CNTNAP2: variants seen among roughly 807,000 people sequenced by gnomAD.
The protein encoded by CNTNAP2 is contactin-associated protein-like 2.
Under a neutral mutation model 155.2 loss-of-function variants are expected in CNTNAP2, and 98 were observed. That is an observed-to-expected ratio of 0.63 (90% confidence interval 0.54 to 0.75). The LOEUF (loss-of-function observed/expected upper bound fraction) is 0.75. CNTNAP2 is among the 30% of genes least tolerant of loss of function. CNTNAP2 has a pLI of 0.00. For missense variants in CNTNAP2, 1,727 were observed against 1,688.1 expected (o/e 1.02, Z -0.40); for synonymous variants, 651 against 631.2 (o/e 1.03, Z -0.47).
chr7:148,263,785 ATTT>A (rs2116835572), intron 20 of CNTNAP2, among the ~76,000 whole-genome samples: 1 of 152,222 alleles, frequency 6.6e-6, no homozygotes, highest in African/African-American at 2.4e-5. Flanking sequence ...TAAATGTAAA[ATTT>A]AGCATTTTTG....
intron 3 of CNTNAP2, among the ~76,000 whole-genome samples, chr7:146,906,415 G>C (rs1163515914): frequency 6.6e-6 from 1 of 152,100 alleles, no homozygotes; most frequent in Non-Finnish European, 1.5e-5. Flanking sequence ...TGACAGCTTT[G>C]AAGAGAGCAG....
intron 1 of CNTNAP2, among the ~76,000 whole-genome samples, chr7:146,658,931 A>G (rs1373239031): frequency 2.0e-5 from 3 of 152,136 alleles, no homozygotes; most frequent in East Asian, 1.9e-4. Flanking sequence ...TTTGAGCTGG[A>G]GCCTAGAACC....
At chr7:146,126,637 A>G (rs1482880106) in intron 1 of CNTNAP2, among the ~76,000 whole-genome samples, 5 of 152,224 alleles carry the variant, frequency 3.3e-5, no homozygotes, top group Non-Finnish European at 7.3e-5. Context: ...GTCTGTATCG[A>G]AAACTGTAAA....
chr7:147,042,622 A>T (rs1429250933), intron 3 of CNTNAP2, among the ~76,000 whole-genome samples: 3 of 152,156 alleles, frequency 2.0e-5, no homozygotes, highest in South Asian at 2.1e-4. Context: ...ATTAAAGATA[A>T]TTTTTTTAAA....
At chr7:146,371,376 T>TTTG (rs1379583670) in intron 1 of CNTNAP2, among the ~76,000 whole-genome samples, 3 of 140,128 alleles carry the variant, frequency 2.1e-5, no homozygotes, top group Non-Finnish European at 4.6e-5. Context: ...TTTTTTTTTT[T>TTTG]TTTTTTTTTT....
At chr7:147,069,406 C>A (rs554960295) in intron 4 of CNTNAP2, among the ~76,000 whole-genome samples, 113 of 152,334 alleles carry the variant, frequency 7.4e-4, no homozygotes, top group Non-Finnish European at 1.4e-3. Context: ...TGTTCACCCT[C>A]AGAAGAAGGG....
intron 20 of CNTNAP2, among the ~76,000 whole-genome samples, chr7:148,264,945 G>T (rs745565039): frequency 6.6e-6 from 1 of 152,108 alleles, no homozygotes; most frequent in African/African-American, 2.4e-5. Flanking sequence ...CACCCACCTC[G>T]GCCTCCCAAA....
At chr7:146,743,601 A>G (rs1801757097) in intron 1 of CNTNAP2, among the ~76,000 whole-genome samples, 1 of 151,658 alleles carries the variant, frequency 6.6e-6, no homozygotes, top group South Asian at 2.1e-4. Flanking sequence ...TGTCTTAAGT[A>G]CTTGCCTGAA....
intron 13 of CNTNAP2, among the ~76,000 whole-genome samples, chr7:147,762,741 G>A (rs539294106): frequency 2.9e-5 from 4 of 138,840 alleles, no homozygotes; most frequent in African/African-American, 1.0e-4. Context: ...GGGAGGGAGG[G>A]AGGAAGGAAG....
intron 4 of CNTNAP2, among the ~76,000 whole-genome samples, chr7:147,076,157 C>T (rs536845970): frequency 6.6e-6 from 1 of 152,110 alleles, no homozygotes; most frequent in Non-Finnish European, 1.5e-5. Flanking sequence ...AGTAATGGGA[C>T]AGCTGGGTCA....
At chr7:146,324,276 A>C (rs1433799541) in intron 1 of CNTNAP2, among the ~76,000 whole-genome samples, 1 of 152,140 alleles carries the variant, frequency 6.6e-6, no homozygotes, top group Non-Finnish European at 1.5e-5. Flanking sequence ...AAAGCAAAAC[A>C]AAACAAAACA....
intron 1 of CNTNAP2, among the ~76,000 whole-genome samples, chr7:146,458,576 A>G (rs977468426): frequency 2.0e-5 from 3 of 152,208 alleles, no homozygotes; most frequent in Admixed American, 6.5e-5. Flanking sequence ...CTATACACAT[A>G]CATATACATA....
intron 1 of CNTNAP2, among the ~76,000 whole-genome samples, chr7:146,451,855 C>CG (rs1397144486): frequency 7.6e-6 from 1 of 131,474 alleles, no homozygotes; most frequent in Non-Finnish European, 1.6e-5. Context: ...TACACGTATT[C>CG]TATATATATA....
At chr7:146,345,845 C>A (rs1265492974) in intron 1 of CNTNAP2, among the ~76,000 whole-genome samples, 1 of 151,988 alleles carries the variant, frequency 6.6e-6, no homozygotes, top group Non-Finnish European at 1.5e-5. Context: ...AGGAGCAGGG[C>A]AAGAAACGGT....
At chr7:146,503,588 T>C (rs1384670017) in intron 1 of CNTNAP2, among the ~76,000 whole-genome samples, 1 of 152,218 alleles carries the variant, frequency 6.6e-6, no homozygotes, top group East Asian at 1.9e-4. Flanking sequence ...CTTAAGTCTT[T>C]AATCCATTAT....
chr7:147,933,250 A>C (rs1253271890), intron 14 of CNTNAP2, among the ~76,000 whole-genome samples: 1 of 152,112 alleles, frequency 6.6e-6, no homozygotes, highest in Non-Finnish European at 1.5e-5. Flanking sequence ...TATGTATGGA[A>C]AACTGTATAG....
rs1563223148 is a variant in CNTNAP2 at position 147,485,986 on chromosome 7, C to A, written c.1722C>A (p.Asp574Glu). The A allele has an allele frequency of 6.2e-7, 1 of 1,614,108 alleles. No homozygotes were observed. The highest frequency in any genetic ancestry group is 2.2e-5 in the East Asian group (1 of 44,878). The change falls in exon 11 of 24, where the codon GAC (aspartate) becomes GAA (glutamate). Residue 574 changes from aspartate to glutamate, a missense_variant. Transcript: ENST00000361727. Reference protein sequence around the residue: ...EHGGKCSQTWDSFKCTCDETG... With the variant: ...EHGGKCSQTWESFKCTCDETG... ...GTGGAAAGTGCTCGCAAACATGGGA[C>A]AGCTTCAAATGCACTTGTGATGAGA...
chr7:147,113,904 C>T (rs926172609), intron 5 of CNTNAP2, among the ~76,000 whole-genome samples: 2 of 152,046 alleles, frequency 1.3e-5, no homozygotes, highest in African/African-American at 4.8e-5. Context: ...AGTTGTGATG[C>T]TAGGTTGCTA....
chr7:146,718,255 T>C (rs1207757002), intron 1 of CNTNAP2, among the ~76,000 whole-genome samples: 1 of 152,204 alleles, frequency 6.6e-6, no homozygotes, highest in Non-Finnish European at 1.5e-5. Flanking sequence ...TTCTGTAAGA[T>C]TAATTGTCTA....
Sources: allele counts gnomAD v4.1 joint callset (sites outside exome capture counted in the v4.1 genomes callset), GRCh38; gene constraint gnomAD v4.1.1; transcripts MANE v1.5; gene names NCBI Gene and HGNC (gene_info 2026-07-23, HGNC 2026-07-21).